ZNF124: variants seen among roughly 807,000 people sequenced by gnomAD.
ZNF124 encodes zinc finger protein 124, also known as zinc finger protein HZF-16.
In ZNF124, 25 loss-of-function variants were observed where a neutral mutation model predicts 26.6. The observed-to-expected ratio is 0.94, with a 90% CI of 0.68 to 1.31. The LOEUF is 1.31. Ranked by LOEUF, ZNF124 falls within the 40% of genes most tolerant of loss-of-function variation. The pLI is 0.00. For synonymous variants in ZNF124, 129 were observed against 133.3 expected, an observed-to-expected ratio of 0.97 and a Z score of 0.22; for missense variants, 444 against 422.2, an observed-to-expected ratio of 1.05 and a Z score of -0.45.
chr1:247,139,810 T>G (rs1672579312), intron 3 of ZNF124, among the ~76,000 whole-genome samples: 1 of 152,212 alleles, frequency 6.6e-6, no homozygotes, highest in Non-Finnish European at 1.5e-5. Context: ...TTAAGAATGT[T>G]GAATATAGGC....
chr1:247,150,765 C>T (rs1672910804), downstream of ZNF124, among the ~76,000 whole-genome samples: 1 of 150,942 alleles, frequency 6.6e-6, no homozygotes, highest in African/African-American at 2.5e-5. Flanking sequence ...CACAAAAACA[C>T]TCAATTATGA....
At chr1:247,160,433 T>C (rs181590588) in intron 1 of ZNF124, among the ~76,000 whole-genome samples, 2 of 152,314 alleles carry the variant, frequency 1.3e-5, no homozygotes, top group East Asian at 3.9e-4. Flanking sequence ...AAAGTCTTAC[T>C]ATCTGGTGTG....
intron 1 of ZNF124, among the ~76,000 whole-genome samples, chr1:247,166,878 C>T (rs932232255): frequency 2.6e-5 from 4 of 152,140 alleles, no homozygotes; most frequent in African/African-American, 4.8e-5. Flanking sequence ...ATCATACTAA[C>T]GCAGAAATCC....
At chr1:247,126,362 C>T (rs1672224572) in intron 3 of ZNF124, among the ~76,000 whole-genome samples, 1 of 85,008 alleles carries the variant, frequency 1.2e-5, no homozygotes, top group African/African-American at 5.0e-5. Context: ...TCAGGGGCAC[C>T]GGGGCGGGGA....
At chr1:247,152,915 C>T (rs184597599), downstream of ZNF124, among the ~76,000 whole-genome samples, 9 of 152,152 alleles carry the variant, frequency 5.9e-5, no homozygotes, top group East Asian at 1.9e-4. Context: ...GGGCGGATCA[C>T]GAGGTCAGGA....
intron 3 of ZNF124, among the ~76,000 whole-genome samples, chr1:247,148,804 CAA>C (rs5782416): frequency 6.8e-6 from 1 of 147,054 alleles, no homozygotes; most frequent in Non-Finnish European, 1.5e-5. Context: ...ACTAAAAATA[CAA>C]AAAAAAAAAG....
intron 3 of ZNF124, among the ~76,000 whole-genome samples, chr1:247,147,741 C>G (rs559966546): frequency 6.6e-6 from 1 of 152,292 alleles, no homozygotes; most frequent in Non-Finnish European, 1.5e-5. Context: ...CTCTCTCACA[C>G]TCTTCTACCT....
chr1:247,149,517 T>TA (rs1355297656), intron 3 of ZNF124, among the ~76,000 whole-genome samples: 1 of 152,134 alleles, frequency 6.6e-6, no homozygotes, highest in Non-Finnish European at 1.5e-5. Flanking sequence ...TATTCAGCCA[T>TA]AAAAAAGAAT....
chr1:247,125,822 T>C (rs1388943364), intron 3 of ZNF124, among the ~76,000 whole-genome samples: 1 of 152,214 alleles, frequency 6.6e-6, no homozygotes, highest in Non-Finnish European at 1.5e-5. Flanking sequence ...AATTCACCCA[T>C]TTAAACTACA....
chr1:247,167,375 A>G (rs941528011), intron 1 of ZNF124, among the ~76,000 whole-genome samples: 1 of 152,134 alleles, frequency 6.6e-6, no homozygotes, highest in Non-Finnish European at 1.5e-5. Flanking sequence ...CACTCTAACA[A>G]ATTCTTCATC....
At chr1:247,124,528 CAG>C (rs1443687852) in intron 3 of ZNF124, among the ~76,000 whole-genome samples, 2 of 151,994 alleles carry the variant, frequency 1.3e-5, no homozygotes, top group Non-Finnish European at 2.9e-5. Context: ...AGTACATCCA[CAG>C]AGTTGCCCAA....
intron 1 of ZNF124, among the ~76,000 whole-genome samples, chr1:247,162,647 A>AG (rs1673549391): frequency 6.6e-6 from 1 of 151,370 alleles, no homozygotes; most frequent in Admixed American, 6.6e-5. Flanking sequence ...AGGGATTACT[A>AG]GTCAAATTTC....
At chr1:247,135,556 A>G (rs949207158) in intron 3 of ZNF124, among the ~76,000 whole-genome samples, 2 of 152,200 alleles carry the variant, frequency 1.3e-5, no homozygotes, top group Non-Finnish European at 2.9e-5. Context: ...CAATCAAAAA[A>G]AGCCCAGGAC....
chr1:247,134,719 C>T (rs1572059856), intron 3 of ZNF124, among the ~76,000 whole-genome samples: 2 of 152,138 alleles, frequency 1.3e-5, no homozygotes, highest in South Asian at 4.1e-4. Context: ...CAAGGATATC[C>T]AGGACTTGAA....
rs917557439 is a variant in ZNF124 at position 247,168,844 on chromosome 1, G to C, written c.30+3004C>G. Among the ~76,000 whole-genome samples the C allele has an allele frequency of 2.0e-5, 3 of 151,810 alleles. No individual in the cohort carries two copies. The highest frequency in any genetic ancestry group is 7.3e-5 in the African/African-American group (3 of 41,320). On this transcript the variant is annotated intron_variant, in intron 1 of 3. Transcript: ENST00000543802. The surrounding 1 kb of genome is among the most constrained non-coding windows in gnomAD (Gnocchi z 4.0). ...CATAAGAATGATATAATGGACCTTG[G>C]TGATTTGGGGGCAAGGGTGGGAGGG...
chr1:247,159,675 T>C lies in ZNF124; in HGVS notation c.157+12A>G, dbSNP rs1250568363. 6.2e-7 allele frequency: 1 copy of C among 1,607,258 alleles called. No individual in the cohort carries two copies. Among genetic ancestry groups the C allele is most frequent in the Non-Finnish European group, 8.5e-7 (1 of 1,178,098 alleles). ...TCTGATTGACTAAGTGAAGAAATAT[T>C]GTGATTCTTACCTATGGAAGCCAGA... On this transcript the variant is annotated intron_variant, in intron 2 of 3. Transcript: ENST00000543802.
intron 1 of ZNF124, among the ~76,000 whole-genome samples, chr1:247,162,293 C>T (rs1309519188): frequency 6.6e-6 from 1 of 152,058 alleles, no homozygotes; most frequent in East Asian, 1.9e-4. Context: ...GGGCTAAATG[C>T]CCCAATTAAA....
In ZNF124 at chr1:247,127,633, A is replaced by T. The variant is rs558626003; in HGVS notation, c.219-3762T>A. Among the ~76,000 whole-genome samples, 737 of 147,494 alleles carry T rather than the reference A, an allele frequency of 5.0e-3. 1 individual carries two copies. Among genetic ancestry groups the T allele is most frequent in the Middle Eastern group, 6.8e-3 (2 of 292 alleles). On this transcript the variant is annotated intron_variant, in intron 3 of 3. Transcript: ENST00000472531. ...GTTATCTATAGATTCCAGACATTGT[A>T]TGGAAAAGCACTGTGAAAATCCCTG...
chr1:247,167,037 C>T (rs1480174748), intron 1 of ZNF124, among the ~76,000 whole-genome samples: 2 of 152,138 alleles, frequency 1.3e-5, no homozygotes, highest in African/African-American at 2.4e-5. Context: ...ACTGAAATAT[C>T]GTAGCTATTG....
Sources: allele counts gnomAD v4.1 joint callset (sites outside exome capture counted in the v4.1 genomes callset), GRCh38; gene constraint gnomAD v4.1.1; non-coding constraint Gnocchi (gnomAD v3.1); transcripts MANE v1.5; gene names NCBI Gene and HGNC (gene_info 2026-07-23, HGNC 2026-07-21).